Variants in P2RX5 observed in about 807,000 individuals in gnomAD.
P2RX5 encodes the protein purinergic receptor P2X 5.
P2RX5 carries 46 observed loss-of-function variants against 54.1 expected under a neutral mutation model. That is an observed-to-expected ratio of 0.85 (90% CI 0.67 to 1.09). The LOEUF is 1.09. P2RX5 is among the 50% of genes least tolerant of loss of function. P2RX5 has a pLI of 0.00. For synonymous variants in P2RX5, 226 were observed against 226.4 expected (o/e 1.00, Z 0.02); for missense variants, 566 against 549.8 (o/e 1.03, Z -0.29).
At chr17:3,695,017 AGAAC>A (rs766400128) in intron 1 of P2RX5, among the ~76,000 whole-genome samples, 47 of 152,322 alleles carry the variant, frequency 3.1e-4, no homozygotes, top group Non-Finnish European at 5.1e-4. Flanking sequence ...TGCAGCTCAG[AGAAC>A]GCGGACTGCT....
chr17:3,688,814 A>G, intron 7 of P2RX5, 55 bp from the exon 8 acceptor site: 1 of 1,597,488 alleles, frequency 6.3e-7, no homozygotes, highest in Non-Finnish European at 8.6e-7. Context: ...GACGGACAGC[A>G]TCCCAGGCCA....
At position 3,677,470 on chromosome 17, in the gene P2RX5, G is replaced by T. The variant is rs972697101; in HGVS notation, c.1259+2120C>A. ...CTCCTGACTGCTCCAGTCCTTTCCT[G>T]GTTGCCTCCATGGCCACCTTTAAAT... is the stretch of plus-strand genomic sequence containing the variant. On this transcript the variant is annotated intron_variant, in intron 11 of 11. Transcript: ENST00000225328. 1.8e-5 allele frequency: 18 copies of T among 985,294 alleles called. No homozygotes were observed. In the African/African-American group the frequency reaches 2.6e-4, roughly 14 times the overall value. The allele number at this position is 985,294 out of a possible 1,614,324, so 61.0% of individuals were successfully genotyped here.
At chr17:3,676,232 G>A (rs1272414969) in intron 11 of P2RX5, 1 of 985,454 alleles carries the variant, frequency 1.0e-6, no homozygotes, top group Non-Finnish European at 1.2e-6. Context: ...AAGAGAGCTA[G>A]TCAGCTCCCA....
chr17:3,691,808 G>A lies in P2RX5; in HGVS notation c.138-14C>T, dbSNP rs777411209. The A allele has an allele frequency of 1.3e-5, 21 of 1,613,884 alleles. No individual in the cohort carries two copies. The highest frequency in any genetic ancestry group is 9.3e-5 in the African/African-American group (7 of 74,918). On this transcript the variant is annotated splice_polypyrimidine_tract_variant and intron_variant, in intron 1 of 11. Transcript: ENST00000225328. ...AGGAACACCCATCTGTGGGAAGGGG[G>A]CCGGTACGTGGGCATCAGCCACTCT...
At chr17:3,677,372 AG>A (rs1333688343) in intron 11 of P2RX5, 1 of 985,340 alleles carries the variant, frequency 1.0e-6, no homozygotes, top group African/African-American at 1.7e-5. Context: ...GATGGAGCAG[AG>A]GCCTCTTGCC....
At chr17:3,688,527 C>T (rs2050513373) in intron 8 of P2RX5, 99 bp downstream of exon 8, 2 of 1,338,538 alleles carry the variant, frequency 1.5e-6, no homozygotes, top group Non-Finnish European at 2.2e-6. Context: ...CCCGCTCTGA[C>T]ACCCACCCCC....
the P2RX5 span, among the ~76,000 whole-genome samples, chr17:3,715,501 AG>A: frequency 6.6e-6 from 1 of 152,180 alleles, no homozygotes; most frequent in Non-Finnish European, 1.5e-5. Context: ...ATTCCTGACA[AG>A]AAAAGCAGCC....
the P2RX5 span, among the ~76,000 whole-genome samples, chr17:3,705,356 A>G: frequency 1.7e-4 from 26 of 152,006 alleles, no homozygotes; most frequent in Admixed American, 1.7e-3. Context: ...CACAGTCCCC[A>G]CTGCACACTC....
rs901790891 is a variant in P2RX5, at chr17:3,696,085, G to C, written c.-80C>G. 2.8e-6 allele frequency: 4 copies of C among 1,450,112 alleles called. No homozygotes were observed. The highest frequency in any genetic ancestry group is 2.9e-5 in the African/African-American group (2 of 68,806). 89.8% of individuals were successfully genotyped at this position (1,450,112 alleles called of 1,614,324 possible). A position where few individuals can be genotyped will look rare whatever the true frequency, so the allele number is the denominator to read the frequency against. ...GCACTCGGTCCCTCGGTCCCTGCGC[G>C]CCCGGCGCCCGCCTCGGCCCGTCTG... On this transcript the variant is annotated 5_prime_UTR_variant, in exon 1 of 12. Coordinates refer to ENST00000225328, the MANE Select transcript of P2RX5 (RefSeq NM_002561.4).
chr17:3,689,961 TGCACACACGCGC>T, intron 6 of P2RX5, 97 bp downstream of exon 6: 2 of 989,478 alleles, frequency 2.0e-6, no homozygotes, highest in Middle Eastern at 2.1e-4. Flanking sequence ...CGCACACACG[TGCACACACGCGC>T]GCACACACAC....
intron 1 of P2RX5, among the ~76,000 whole-genome samples, chr17:3,693,933 T>G (rs2050687788): frequency 6.6e-6 from 1 of 151,840 alleles, no homozygotes. Context: ...CCCAGCCAAT[T>G]TTTGAATTTT....
the P2RX5 span, among the ~76,000 whole-genome samples, chr17:3,708,080 A>C: frequency 7.2e-6 from 1 of 137,952 alleles, no homozygotes; most frequent in South Asian, 2.3e-4. Context: ...AAAAAAAAAA[A>C]CACCAGGAAT....
At chr17:3,690,712 GGGTTCCCCC>G in intron 3 of P2RX5, 32 bp from the exon 4 acceptor site, 1 of 1,607,898 alleles carries the variant, frequency 6.2e-7, no homozygotes, top group Non-Finnish European at 8.5e-7. Context: ...CTGGATGGGG[GGGTTCCCCC>G]AGCTCAGAGC....
chr17:3,678,181 G>C, intron 11 of P2RX5: 3 of 855,028 alleles, frequency 3.5e-6, no homozygotes, highest in Non-Finnish European at 4.2e-6. Context: ...GAGGACTGTC[G>C]GGAGCCGGTG....
chr17:3,711,163 C>A, the P2RX5 span, among the ~76,000 whole-genome samples: 1 of 152,078 alleles, frequency 6.6e-6, no homozygotes, highest in African/African-American at 2.4e-5. Flanking sequence ...GGGAAAGTAC[C>A]CCATGTGCTT....
At chr17:3,700,452 G>C (rs1474982108), upstream of P2RX5, among the ~76,000 whole-genome samples, 1 of 151,748 alleles carries the variant, frequency 6.6e-6, no homozygotes. Flanking sequence ...AGAATCGCTT[G>C]AACTCGGGAG....
In P2RX5 at chr17:3,680,230, C is replaced by T. The variant is rs1432274906; in HGVS notation, c.1065-446G>A. Among the ~76,000 whole-genome samples, 19 of 134,542 alleles carry T rather than the reference C, an allele frequency of 1.4e-4. 1 individual carries two copies. The highest frequency in any genetic ancestry group is 5.3e-4 in the African/African-American group (19 of 35,938). The allele number at this position is 134,542 out of a possible 152,430, so 88.3% of individuals were successfully genotyped here. A position where few individuals can be genotyped will look rare whatever the true frequency, so the allele number is the denominator to read the frequency against. ...CCTCCACCCTGCATCCTCCACCCTG[C>T]GTCCTCCACCCAGCGTCCTCCACCC... On this transcript the variant is annotated intron_variant, in intron 10 of 11. Coordinates refer to ENST00000225328, the MANE Select transcript of P2RX5 (RefSeq NM_002561.4).
At chr17:3,709,455 TCTG>T in the P2RX5 span, among the ~76,000 whole-genome samples, 1 of 152,170 alleles carries the variant, frequency 6.6e-6, no homozygotes, top group African/African-American at 2.4e-5. Context: ...CCTCCTGAAC[TCTG>T]CTATTAGGAC....
the P2RX5 span, chr17:3,720,211 T>C: frequency 1.5e-6 from 1 of 662,684 alleles, no homozygotes; most frequent in East Asian, 2.7e-5. Context: ...GTGTTAAGGC[T>C]GAAAACAGGA....
Sources: gnomAD v4.1 joint callset for allele counts (sites outside exome capture counted in the v4.1 genomes callset) on GRCh38, gnomAD v4.1.1 for gene constraint, MANE v1.5 for transcripts, NCBI Gene and HGNC (gene_info 2026-07-23, HGNC 2026-07-21) for gene names.